The following NRXN3 variants were observed in gnomAD, a reference collection of about 807,000 sequenced individuals.
The protein encoded by NRXN3 is neurexin III.
NRXN3 carries 32 observed loss-of-function variants against 137.6 expected under a neutral mutation model. That is an observed-to-expected ratio of 0.23 (90% confidence interval 0.18 to 0.31). NRXN3 has a LOEUF of 0.31. Ranked by LOEUF, NRXN3 falls within the 10% of genes least tolerant of loss-of-function variation. The pLI is 1.00. For missense variants in NRXN3, 1,574 were observed against 2,062.5 expected (o/e 0.76, Z 4.59); for synonymous variants, 798 against 784.5 (o/e 1.02, Z -0.29).
At chr14:79,377,763 G>C (rs2094347905) in intron 15 of NRXN3, among the ~76,000 whole-genome samples, 1 of 152,124 alleles carries the variant, frequency 6.6e-6, no homozygotes, top group African/African-American at 2.4e-5. Context: ...CTCAAAAAAA[G>C]AAATATGTCT....
At chr14:78,404,426 A>C (rs929056127) in intron 4 of NRXN3, among the ~76,000 whole-genome samples, 1 of 152,162 alleles carries the variant, frequency 6.6e-6, no homozygotes. Flanking sequence ...AGACAAACAC[A>C]TTCCCCTAGT....
intron 16 of NRXN3, among the ~76,000 whole-genome samples, chr14:79,605,549 A>C (rs1422226265): frequency 6.6e-6 from 1 of 151,938 alleles, no homozygotes; most frequent in African/African-American, 2.4e-5. Context: ...ATGCAGTGGC[A>C]TGATGTCAGC....
At chr14:78,836,112 C>T (rs931061788) in intron 10 of NRXN3, among the ~76,000 whole-genome samples, 14 of 152,034 alleles carry the variant, frequency 9.2e-5, no homozygotes, top group African/African-American at 1.9e-4. Context: ...AATGTGTCTA[C>T]GTCATCTAAA....
chr14:78,550,138 G>C (rs1232980012), intron 4 of NRXN3, among the ~76,000 whole-genome samples: 2 of 150,672 alleles, frequency 1.3e-5, no homozygotes, highest in African/African-American at 4.9e-5. Flanking sequence ...AGGCTCAAGT[G>C]ATCCTCCCAC....
At chr14:78,214,778 G>A (rs2365677) in intron 1 of NRXN3, among the ~76,000 whole-genome samples, 41,401 of 152,066 alleles carry the variant, frequency 0.27, 5,929 homozygotes, top group Non-Finnish European at 0.31. Flanking sequence ...TGACTTCCCC[G>A]TGTTTACATG....
At chr14:79,748,044 C>T (rs934072221) in intron 19 of NRXN3, among the ~76,000 whole-genome samples, 3 of 150,860 alleles carry the variant, frequency 2.0e-5, no homozygotes, top group East Asian at 2.0e-4. Context: ...TGGGGCCTGT[C>T]GGGGAGGGGG....
At chr14:79,569,460 A>G (rs1471869937) in intron 16 of NRXN3, among the ~76,000 whole-genome samples, 1 of 152,136 alleles carries the variant, frequency 6.6e-6, no homozygotes, top group Non-Finnish European at 1.5e-5. Flanking sequence ...CTGATCTTGC[A>G]TTAAACAATT....
At chr14:78,607,790 TAAAG>T (rs529684225) in intron 4 of NRXN3, among the ~76,000 whole-genome samples, 152 of 152,288 alleles carry the variant, frequency 1.0e-3, no homozygotes, top group Non-Finnish European at 2.0e-3. Flanking sequence ...TGTGTCTACT[TAAAG>T]AAATGGCAGT....
chr14:78,547,495 T>G (rs2096647911), intron 4 of NRXN3, among the ~76,000 whole-genome samples: 1 of 152,136 alleles, frequency 6.6e-6, no homozygotes, highest in Non-Finnish European at 1.5e-5. Context: ...ATAATTTATG[T>G]TTATTTTATT....
rs754452810 is a variant in NRXN3 at position 78,709,366 on chromosome 14, C to T, written c.1371C>T (p.Tyr457=). ...TCAACTTTGAGACCCCAGAGGCTTA[C>T]ATCAGCTTGCCCAAGTGGAACACTA... is the stretch of plus-strand genomic sequence containing the variant. ...DPINFETPEA[Y]ISLPKWNTKR... is the part of the protein sequence containing the mutation. Residue 457 remains tyrosine, a synonymous_variant, in exon 7 of 21, where the codon TAC becomes TAT. Transcript: ENST00000335750. The T allele has an allele frequency of 6.2e-7, 1 of 1,614,154 alleles. No individual in the cohort carries two copies. Among genetic ancestry groups the T allele is most frequent in the East Asian group, 2.2e-5 (1 of 44,874 alleles).
intron 4 of NRXN3, among the ~76,000 whole-genome samples, chr14:78,596,345 G>A (rs1045039101): frequency 3.9e-5 from 6 of 152,172 alleles, no homozygotes; most frequent in African/African-American, 1.4e-4. Flanking sequence ...TCCCTTGGAC[G>A]TGGGGTGGGG....
chr14:79,417,676 T>C lies in NRXN3; in HGVS notation c.3263-49545T>C, dbSNP rs112364377. Among the ~76,000 whole-genome samples the C allele has an allele frequency of 1.1e-3, 173 of 152,302 alleles. 1 individual carries two copies. Among genetic ancestry groups the C allele is most frequent in the African/African-American group, 4.0e-3 (168 of 41,582 alleles). On this transcript the variant is annotated intron_variant, in intron 15 of 20. Coordinates refer to ENST00000335750, the MANE Select transcript of NRXN3 (RefSeq NM_001330195.2). Reference sequence around the variant, plus strand: ...CCCATGTAATTTTAGTTTTTGCTGATAAATACTACAATAAATCGATTGAAA... The same window carrying C: ...CCCATGTAATTTTAGTTTTTGCTGACAAATACTACAATAAATCGATTGAAA...
At chr14:78,268,344 A>G (rs1278199846) in intron 2 of NRXN3, among the ~76,000 whole-genome samples, 1 of 151,922 alleles carries the variant, frequency 6.6e-6, no homozygotes, top group Non-Finnish European at 1.5e-5. Flanking sequence ...TTGTATTTTT[A>G]TGGAATTTAG....
At chr14:78,183,593 A>G (rs186409087) in intron 1 of NRXN3, among the ~76,000 whole-genome samples, 1 of 152,322 alleles carries the variant, frequency 6.6e-6, no homozygotes, top group Non-Finnish European at 1.5e-5. Flanking sequence ...TTTCTTTCAT[A>G]TCCATTCCCA....
chr14:78,174,814 C>T (rs1003898706), intron 1 of NRXN3, among the ~76,000 whole-genome samples: 1 of 152,138 alleles, frequency 6.6e-6, no homozygotes, highest in Non-Finnish European at 1.5e-5. Flanking sequence ...AAATGAGATC[C>T]CCACGTCCAC....
intron 10 of NRXN3, among the ~76,000 whole-genome samples, chr14:78,881,510 G>A (rs941718486): frequency 6.6e-6 from 1 of 151,612 alleles, no homozygotes; most frequent in East Asian, 1.9e-4. Flanking sequence ...GGTGACTCTT[G>A]CTATGCTCTA....
At chr14:79,827,691 CTTT>C (rs71103825) in intron 20 of NRXN3, among the ~76,000 whole-genome samples, 2,203 of 129,460 alleles carry the variant, frequency 0.017, 22 homozygotes, top group African/African-American at 0.02. Flanking sequence ...ATGCCACAAA[CTTT>C]TTTTTTTTTT....
chr14:78,519,809 A>G (rs2096261886), intron 4 of NRXN3, among the ~76,000 whole-genome samples: 1 of 152,188 alleles, frequency 6.6e-6, no homozygotes, highest in South Asian at 2.1e-4. Context: ...AAGGACCCAC[A>G]TGTATGAAGA....
chr14:78,965,944 T>C (rs2099416614), intron 11 of NRXN3, 81 bp from the exon 12 acceptor site: 2 of 1,479,182 alleles, frequency 1.4e-6, no homozygotes, highest in Non-Finnish European at 1.8e-6. Flanking sequence ...GGAAACAGGT[T>C]ACACCCAAAA....
Sources: allele counts gnomAD v4.1 joint callset (sites outside exome capture counted in the v4.1 genomes callset), GRCh38; gene constraint gnomAD v4.1.1; transcripts MANE v1.5; gene names NCBI Gene and HGNC (gene_info 2026-07-23, HGNC 2026-07-21).